Variants in OTUD7A observed in about 807,000 individuals in gnomAD.
The protein encoded by OTUD7A is OTU domain-containing protein 7A.
Under a neutral mutation model 65.7 loss-of-function variants are expected in OTUD7A, and 12 were observed. That is an observed-to-expected ratio of 0.18 (90% confidence interval 0.12 to 0.30). The LOEUF (loss-of-function observed/expected upper bound fraction) is 0.30, where lower values mean the gene tolerates loss of function less well. Ranked by LOEUF, OTUD7A falls within the 10% of genes least tolerant of loss-of-function variation. OTUD7A has a pLI of 1.00. For missense variants in OTUD7A, 1,148 were observed against 1,304.8 expected (o/e 0.88, Z 1.85); for synonymous variants, 641 against 586.3 (o/e 1.09, Z -1.35).
At chr15:31,678,881 C>T (rs1269429113) in intron 1 of OTUD7A, among the ~76,000 whole-genome samples, 3 of 152,170 alleles carry the variant, frequency 2.0e-5, no homozygotes, top group African/African-American at 7.2e-5. Flanking sequence ...ATCCCAGAAT[C>T]GTAGATCCAC....
At chr15:31,831,056 TGGATA>T (rs1896917744) in intron 1 of OTUD7A, among the ~76,000 whole-genome samples, 1 of 152,220 alleles carries the variant, frequency 6.6e-6, no homozygotes, top group Non-Finnish European at 1.5e-5. Context: ...TAATTCGTCA[TGGATA>T]GGATGGTCTT....
intron 3 of OTUD7A, among the ~76,000 whole-genome samples, chr15:31,645,611 T>C (rs1355859446): frequency 2.0e-5 from 3 of 152,174 alleles, no homozygotes; most frequent in African/African-American, 7.2e-5. Context: ...CTAAAAGTAG[T>C]TATTCTTTAA....
chr15:31,767,559 G>A (rs1895123259), intron 1 of OTUD7A: 1 of 799,994 alleles, frequency 1.3e-6, no homozygotes, highest in Non-Finnish European at 2.3e-6. Flanking sequence ...ATATATTGGG[G>A]AATTACTTGT....
chr15:31,660,260 G>A (rs1277574876), intron 1 of OTUD7A, among the ~76,000 whole-genome samples: 1 of 152,226 alleles, frequency 6.6e-6, no homozygotes, highest in Non-Finnish European at 1.5e-5. Context: ...GGGCTCCCGT[G>A]GTGAAATGAA....
At chr15:31,703,027 C>CA (rs1248832345) in intron 1 of OTUD7A, among the ~76,000 whole-genome samples, 5 of 150,950 alleles carry the variant, frequency 3.3e-5, no homozygotes, top group African/African-American at 7.3e-5. Context: ...GGCATAGGCA[C>CA]AAAAAACAAG....
chr15:31,638,223 AG>A (rs1248804275), intron 3 of OTUD7A, among the ~76,000 whole-genome samples: 1 of 152,166 alleles, frequency 6.6e-6, no homozygotes, highest in Non-Finnish European at 1.5e-5. Flanking sequence ...CATTGAGGCA[AG>A]ACCCTCCACC....
At chr15:31,711,022 G>A (rs1435270689) in intron 1 of OTUD7A, among the ~76,000 whole-genome samples, 1 of 151,534 alleles carries the variant, frequency 6.6e-6, no homozygotes, top group Admixed American at 6.6e-5. Flanking sequence ...GTGCAGGTGT[G>A]TATTTCGGTT....
intron 8 of OTUD7A, among the ~76,000 whole-genome samples, chr15:31,507,884 C>G (rs150330786): frequency 4.6e-5 from 7 of 152,274 alleles, no homozygotes; most frequent in Non-Finnish European, 1.0e-4. Flanking sequence ...CCAGGAAGTC[C>G]AGCTGGCTTC....
chr15:31,528,379 A>G (rs902492530), intron 6 of OTUD7A, among the ~76,000 whole-genome samples: 1 of 152,226 alleles, frequency 6.6e-6, no homozygotes, highest in East Asian at 1.9e-4. Flanking sequence ...AAAGGTGGCT[A>G]AAGTGGGATC....
At chr15:31,837,305 G>A (rs998519104) in intron 1 of OTUD7A, among the ~76,000 whole-genome samples, 2 of 150,672 alleles carry the variant, frequency 1.3e-5, no homozygotes, top group African/African-American at 4.9e-5. Context: ...GAGGTGGGTG[G>A]ATCATGAGGT....
intron 8 of OTUD7A, among the ~76,000 whole-genome samples, chr15:31,507,167 G>C (rs944236139): frequency 2.6e-5 from 4 of 152,012 alleles, no homozygotes; most frequent in African/African-American, 9.7e-5. Flanking sequence ...GGGAAGATGG[G>C]GGAATAATGT....
At chr15:31,809,365 T>TCA (rs1896362682) in intron 1 of OTUD7A, among the ~76,000 whole-genome samples, 2 of 152,218 alleles carry the variant, frequency 1.3e-5, no homozygotes, top group African/African-American at 4.8e-5. Flanking sequence ...GAATCTGGCT[T>TCA]GAGCGGTAGT....
chr15:31,808,134 C>CACAA (rs1408287048), intron 1 of OTUD7A, among the ~76,000 whole-genome samples: 3 of 95,806 alleles, frequency 3.1e-5, no homozygotes, highest in South Asian at 5.9e-4. Flanking sequence ...CACACACACA[C>CACAA]ACAAACAAAT....
Position 31,483,084 on chromosome 15 carries a change from A to G in OTUD7A, c.*210T>C, listed in dbSNP as rs1424304431. ...TGCTAGGCTAGCACACCCACTTCCA[A>G]CAGTATGACTTGTTTCCTATCCGTC... On this transcript the variant is annotated 3_prime_UTR_variant, in exon 13 of 13. Coordinates refer to ENST00000307050, the MANE Select transcript of OTUD7A (RefSeq NM_001382637.1). The G allele has an allele frequency of 3.4e-6, 1 of 295,840 alleles. No homozygotes were observed. Among genetic ancestry groups the G allele is most frequent in the African/African-American group, 2.3e-5 (1 of 44,030 alleles). 18.3% of individuals were successfully genotyped at this position (295,840 alleles called of 1,614,324 possible).
intron 1 of OTUD7A, among the ~76,000 whole-genome samples, chr15:31,669,609 C>G (rs576299187): frequency 6.6e-6 from 1 of 152,222 alleles, no homozygotes; most frequent in African/African-American, 2.4e-5. Context: ...GTTCTACCCC[C>G]GCCTGTGGAG....
At chr15:31,722,611 G>A (rs543467137) in intron 1 of OTUD7A, among the ~76,000 whole-genome samples, 102 of 152,360 alleles carry the variant, frequency 6.7e-4, no homozygotes, top group African/African-American at 2.4e-3. Flanking sequence ...CTGGTTTGAA[G>A]AGGGATGGAA....
At chr15:31,610,656 C>T (rs1368172400) in intron 3 of OTUD7A, among the ~76,000 whole-genome samples, 2 of 98,704 alleles carry the variant, frequency 2.0e-5, no homozygotes, top group Non-Finnish European at 3.7e-5. Flanking sequence ...GAGTCTCACT[C>T]TGTTGCCCAG....
chr15:31,868,301 A>G lies in OTUD7A; in HGVS notation c.-100+2206T>C, dbSNP rs114303900. 3.3e-3 allele frequency among the ~76,000 whole-genome samples: 502 copies of G among 152,352 alleles called. 3 individuals are homozygous for G. The highest frequency in any genetic ancestry group is 0.012 in the African/African-American group (486 of 41,596). On this transcript the variant is annotated intron_variant, in intron 1 of 12. Transcript: ENST00000307050. ...CCATACCTAAAGATTTAGTGGAAAC[A>G]CTTCCGTTTGAAGTTTTACTAGTAC...
At chr15:31,500,491 T>C (rs986903133) in intron 10 of OTUD7A, among the ~76,000 whole-genome samples, 1 of 152,236 alleles carries the variant, frequency 6.6e-6, no homozygotes, top group African/African-American at 2.4e-5. Flanking sequence ...TGTGCATTTC[T>C]CACCTTCAGC....
Sources: gnomAD v4.1 joint callset for allele counts (sites outside exome capture counted in the v4.1 genomes callset) on GRCh38, gnomAD v4.1.1 for gene constraint, MANE v1.5 for transcripts, NCBI Gene and HGNC (gene_info 2026-07-23, HGNC 2026-07-21) for gene names.